PRKN: variants seen among roughly 807,000 people sequenced by gnomAD.
PRKN encodes the protein parkin RBR E3 ubiquitin protein ligase.
In PRKN, 56 loss-of-function variants were observed where a neutral mutation model predicts 59.5. The observed-to-expected ratio is 0.94, with a 90% CI of 0.76 to 1.18. PRKN has a LOEUF of 1.18. PRKN is among the 50% of genes most tolerant of loss of function. The probability of loss-of-function intolerance (pLI) is 0.00; values close to 1 mark genes in which losing one functional copy is unlikely to be tolerated. For synonymous variants in PRKN, 250 were observed against 222.1 expected (o/e 1.13, Z -1.12); for missense variants, 657 against 596.4 (o/e 1.10, Z -1.06).
At chr6:161,801,255 C>T (rs1791065948) in intron 6 of PRKN, among the ~76,000 whole-genome samples, 1 of 152,342 alleles carries the variant, frequency 6.6e-6, no homozygotes, top group African/African-American at 2.4e-5. Context: ...TGACACAGTA[C>T]AGTGACTGGA....
chr6:162,111,360 GAGGCTGAGGC>G (rs1780429738), intron 4 of PRKN, among the ~76,000 whole-genome samples: 1 of 152,066 alleles, frequency 6.6e-6, no homozygotes, highest in African/African-American at 2.4e-5. Flanking sequence ...AGCTACTCGG[GAGGCTGAGGC>G]AGGAGAATGG....
intron 5 of PRKN, among the ~76,000 whole-genome samples, chr6:162,031,153 G>C (rs1409987800): frequency 1.3e-5 from 2 of 151,896 alleles, no homozygotes; most frequent in South Asian, 2.1e-4. Flanking sequence ...GTCCTCCAAG[G>C]CCTGAGAAGG....
At chr6:161,635,535 C>T (rs1005080744) in intron 7 of PRKN, among the ~76,000 whole-genome samples, 2 of 152,208 alleles carry the variant, frequency 1.3e-5, no homozygotes, top group African/African-American at 4.8e-5. Flanking sequence ...ACAAGGACAT[C>T]GGTGTGCAGG....
chr6:162,472,300 C>A (rs910353943), intron 1 of PRKN, among the ~76,000 whole-genome samples: 1 of 150,006 alleles, frequency 6.7e-6, no homozygotes, highest in Non-Finnish European at 1.5e-5. Flanking sequence ...GGTGTGCTGC[C>A]CCCATTAACT....
rs975709062 is a variant in PRKN at position 161,533,522 on chromosome 6, C to A, written c.1083+15332G>T. ...TGCCAGCCACGTGTCCAGTAAGGAGCAGACAAGATAGCCCCACCAAGTGGA... is the reference window on the plus strand; with the variant it reads ...TGCCAGCCACGTGTCCAGTAAGGAGAAGACAAGATAGCCCCACCAAGTGGA... On this transcript the variant is annotated intron_variant, in intron 9 of 11. Transcript: ENST00000366898. This position sits in a 1 kb window ranked among gnomAD's most constrained non-coding sequence, Gnocchi z 4.1. Among the ~76,000 whole-genome samples the A allele has an allele frequency of 6.6e-6, 1 of 152,140 alleles. No homozygotes were observed. The highest frequency in any genetic ancestry group is 1.5e-5 in the Non-Finnish European group (1 of 68,034).
chr6:161,661,413 A>C (rs536031367), intron 7 of PRKN, among the ~76,000 whole-genome samples: 1 of 152,174 alleles, frequency 6.6e-6, no homozygotes, highest in South Asian at 2.1e-4. Flanking sequence ...CCCCTCCCAG[A>C]TATCTGTGTG....
intron 5 of PRKN, among the ~76,000 whole-genome samples, chr6:161,993,197 A>G (rs1403992627): frequency 6.6e-6 from 1 of 152,094 alleles, no homozygotes; most frequent in Non-Finnish European, 1.5e-5. Context: ...AAAAATCACA[A>G]ACTACTAGTT....
chr6:161,417,177 C>A lies in PRKN; in HGVS notation c.1084-30300G>T, dbSNP rs569105554. On this transcript the variant is annotated intron_variant, in intron 9 of 11. Transcript: ENST00000366898. The surrounding 1 kb of genome is among the most constrained non-coding windows in gnomAD (Gnocchi z 5.4). Reference sequence around the variant, plus strand: ...CTGTAAAGTCATCTAACGGGCTTGGCGCAGTGGCTCACGCCTGTAATCCCA... The same window carrying A: ...CTGTAAAGTCATCTAACGGGCTTGGAGCAGTGGCTCACGCCTGTAATCCCA... Among the ~76,000 whole-genome samples, 1 of 152,108 alleles carries A rather than the reference C, an allele frequency of 6.6e-6. No individual in the cohort carries two copies. Among genetic ancestry groups the A allele is most frequent in the Non-Finnish European group, 1.5e-5 (1 of 68,030 alleles).
At chr6:162,293,562 G>A (rs938388533) in intron 2 of PRKN, among the ~76,000 whole-genome samples, 1 of 152,142 alleles carries the variant, frequency 6.6e-6, no homozygotes, top group Non-Finnish European at 1.5e-5. Context: ...CTGTCCCATT[G>A]GGGGGCCCCA....
At chr6:161,600,365 A>C (rs1435709726) in intron 7 of PRKN, among the ~76,000 whole-genome samples, 1 of 152,084 alleles carries the variant, frequency 6.6e-6, no homozygotes, top group African/African-American at 2.4e-5. Flanking sequence ...TCCTGTTCAA[A>C]TCCATGCTTG....
At chr6:162,620,689 G>A (rs1215577168) in intron 1 of PRKN, among the ~76,000 whole-genome samples, 1 of 151,014 alleles carries the variant, frequency 6.6e-6, no homozygotes, top group Non-Finnish European at 1.5e-5. Flanking sequence ...TTTTTTTTGG[G>A]TTAACACCCA....
At chr6:162,622,313 T>TTTTTTGTG (rs1782708740) in intron 1 of PRKN, among the ~76,000 whole-genome samples, 2 of 151,080 alleles carry the variant, frequency 1.3e-5, no homozygotes, top group Non-Finnish European at 3.0e-5. Context: ...GTTTTGTTTT[T>TTTTTTGTG]TTTTGGTAGC....
chr6:161,837,400 T>TA (rs1562327946), intron 6 of PRKN, among the ~76,000 whole-genome samples: 1 of 152,160 alleles, frequency 6.6e-6, no homozygotes, highest in African/African-American at 2.4e-5. Flanking sequence ...TCAGTTCACT[T>TA]ACAGTGAGAC....
chr6:161,532,377 G>A (rs567289684), intron 9 of PRKN, among the ~76,000 whole-genome samples: 6 of 151,886 alleles, frequency 4.0e-5, no homozygotes, highest in Admixed American at 2.6e-4. Context: ...TTGTGAAGCA[G>A]GAGTGTGTAT....
chr6:162,693,516 A>G (rs746035190), intron 1 of PRKN, among the ~76,000 whole-genome samples: 6 of 152,208 alleles, frequency 3.9e-5, no homozygotes, highest in Admixed American at 6.5e-5. Context: ...CGGGGACAGC[A>G]TTGAATACAA....
intron 1 of PRKN, among the ~76,000 whole-genome samples, chr6:162,610,015 C>A (rs9365475): frequency 0.18 from 27,619 of 152,110 alleles, 3,194 homozygotes; most frequent in East Asian, 0.49. Flanking sequence ...AAATTCTTAC[C>A]ATTTCATGTA....
At chr6:162,528,323 G>GGA (rs1778376293) in intron 1 of PRKN, among the ~76,000 whole-genome samples, 1 of 135,724 alleles carries the variant, frequency 7.4e-6, no homozygotes, top group South Asian at 2.3e-4. Flanking sequence ...CGTCTCAAAA[G>GGA]AAAAAAAAAA....
At chr6:162,695,119 AG>A (rs1777921379) in intron 1 of PRKN, 2 of 152,302 alleles carry the variant, frequency 1.3e-5, no homozygotes, top group East Asian at 3.9e-4. Flanking sequence ...GTTCTGCTTG[AG>A]GCAATAAGAA....
chr6:161,531,488 G>C (rs1054675844), intron 9 of PRKN, among the ~76,000 whole-genome samples: 2 of 152,144 alleles, frequency 1.3e-5, no homozygotes, highest in Admixed American at 1.3e-4. Flanking sequence ...TAATGACCCA[G>C]TGTTGGAAGA....
Sources: allele counts gnomAD v4.1 joint callset (sites outside exome capture counted in the v4.1 genomes callset), GRCh38; gene constraint gnomAD v4.1.1; non-coding constraint Gnocchi (gnomAD v3.1); transcripts MANE v1.5; gene names NCBI Gene and HGNC (gene_info 2026-07-23, HGNC 2026-07-21).